The following VIRMA variants were observed in gnomAD, a reference collection of about 807,000 sequenced individuals.
VIRMA encodes protein virilizer homolog.
VIRMA carries 65 observed loss-of-function variants against 182.4 expected under a neutral mutation model. The ratio of observed to expected loss-of-function variants is 0.36; its 90% CI spans 0.29 to 0.44. The LOEUF (loss-of-function observed/expected upper bound fraction) is 0.44, where lower values mean the gene tolerates loss of function less well. Among genes scored for constraint, VIRMA ranks in the 20% least tolerant of loss-of-function variants. VIRMA has a pLI of 1.00. For synonymous variants in VIRMA, 709 were observed against 743.1 expected (o/e 0.95, Z 0.75); for missense variants, 1,752 against 2,158.1 (o/e 0.81, Z 3.73).
chr8:94,513,500 A>G (rs930034252), intron 11 of VIRMA, among the ~76,000 whole-genome samples: 3 of 151,358 alleles, frequency 2.0e-5, no homozygotes, highest in South Asian at 2.1e-4. Flanking sequence ...TTGTAATTCC[A>G]CAAATTACAT....
At chr8:94,494,415 C>A (rs1813700541) in intron 20 of VIRMA, among the ~76,000 whole-genome samples, 1 of 151,602 alleles carries the variant, frequency 6.6e-6, no homozygotes. Context: ...CATGGTAAAA[C>A]CCAGTCTCTA....
chr8:94,550,101 A>C (rs550566603), intron 1 of VIRMA, among the ~76,000 whole-genome samples: 13 of 152,098 alleles, frequency 8.5e-5, no homozygotes, highest in South Asian at 4.2e-4. Flanking sequence ...AGTCTTAAAA[A>C]AAAAAAAAAA....
In VIRMA at chr8:94,492,644, A is replaced by T. The variant is rs1478276578; in HGVS notation, c.4808+8T>A. The T allele has an allele frequency of 6.2e-7, 1 of 1,608,932 alleles. No individual in the cohort carries two copies. The highest frequency in any genetic ancestry group is 1.7e-5 in the Admixed American group (1 of 59,572). The stretch of plus-strand genomic sequence containing the variant: ...GACATTTGAGATCTTCAGTGGAATA[A>T]ATTTTACCTTGACGTTATAAAGGTC... On this transcript the variant is annotated splice_region_variant and intron_variant, in intron 21 of 23. Coordinates refer to ENST00000297591, the MANE Select transcript of VIRMA (RefSeq NM_015496.5).
chr8:94,510,856 C>A, intron 13 of VIRMA: 1 of 807,408 alleles, frequency 1.2e-6, no homozygotes, highest in Non-Finnish European at 1.9e-6. Flanking sequence ...GTTAGTTGAG[C>A]AGAGTCCATT....
intron 23 of VIRMA, 65 bp downstream of exon 23, chr8:94,489,874 C>A: frequency 1.3e-6 from 2 of 1,550,342 alleles, no homozygotes; most frequent in South Asian, 1.2e-5. Context: ...TATATGATAT[C>A]AACAATTTTA....
chr8:94,500,924 T>A (rs1479182072), intron 16 of VIRMA, among the ~76,000 whole-genome samples: 5 of 151,902 alleles, frequency 3.3e-5, no homozygotes, highest in Non-Finnish European at 5.9e-5. Flanking sequence ...CCATAAAACA[T>A]AAATTTGACT....
intron 9 of VIRMA, among the ~76,000 whole-genome samples, chr8:94,518,417 T>C (rs1460356331): frequency 6.6e-6 from 1 of 152,190 alleles, no homozygotes; most frequent in Non-Finnish European, 1.5e-5. Context: ...AAAAGATCTG[T>C]CACTCAAGGA....
chr8:94,535,072 G>A, intron 4 of VIRMA, 65 bp from the exon 5 acceptor site: 1 of 1,518,008 alleles, frequency 6.6e-7, no homozygotes, highest in Non-Finnish European at 8.8e-7. Context: ...GAAGTTAGCT[G>A]ATACCAAATT....
At chr8:94,533,320 G>C (rs1312953878) in intron 5 of VIRMA, among the ~76,000 whole-genome samples, 1 of 152,170 alleles carries the variant, frequency 6.6e-6, no homozygotes, top group Non-Finnish European at 1.5e-5. Flanking sequence ...TCAGGATTCA[G>C]AGAAACAAAG....
In VIRMA at chr8:94,496,436, A is replaced by G. The variant is rs768095186; in HGVS notation, c.4275T>C (p.Ala1425=). ...TAATACTCATCGTCCGTGATGTATG[A>G]GCTCCCTCTACTTCCATGAGACCAT... ...DDNGLMEVEG[A]HTSRTMSINA... is the part of the protein sequence containing the mutation. Residue 1425 remains alanine (A), a synonymous_variant, in exon 18 of 24, where the codon GCT becomes GCC. Transcript: ENST00000297591. 1 of 1,613,202 alleles carries G rather than the reference A, an allele frequency of 6.2e-7. No homozygotes were observed. The highest frequency in any genetic ancestry group is 1.1e-5 in the South Asian group (1 of 90,962).
intron 2 of VIRMA, among the ~76,000 whole-genome samples, chr8:94,543,312 ACTC>A: frequency 6.7e-6 from 1 of 148,542 alleles, no homozygotes; most frequent in Non-Finnish European, 1.5e-5. Context: ...GAGGCAGGAG[ACTC>A]ACTTGGACCC....
chr8:94,531,925 A>G (rs185301514), intron 5 of VIRMA, among the ~76,000 whole-genome samples: 16 of 152,350 alleles, frequency 1.1e-4, no homozygotes, highest in East Asian at 9.6e-4. Context: ...AAAAAAGTCA[A>G]TCTCACAAAG....
chr8:94,549,897 A>C (rs1815912262), intron 1 of VIRMA, among the ~76,000 whole-genome samples: 1 of 152,106 alleles, frequency 6.6e-6, no homozygotes, highest in Non-Finnish European at 1.5e-5. Context: ...GGAATTCAAG[A>C]CCAGCCTGGG....
chr8:94,488,690 G>A lies in VIRMA; in HGVS notation c.*16C>T. ...TGAAATGTTCATATACAGTTAAGATGTTCCCAAAAGGATTTTTATCGTGTA... is the reference window on the plus strand; with the variant it reads ...TGAAATGTTCATATACAGTTAAGATATTCCCAAAAGGATTTTTATCGTGTA... On this transcript the variant is annotated 3_prime_UTR_variant, in exon 24 of 24. Transcript: ENST00000297591. 1.2e-6 allele frequency: 2 copies of A among 1,613,304 alleles called. No individual in the cohort carries two copies. The highest frequency in any genetic ancestry group is 1.7e-6 in the Non-Finnish European group (2 of 1,179,398).
chr8:94,551,197 C>G (rs1815974577), intron 1 of VIRMA, among the ~76,000 whole-genome samples: 1 of 152,150 alleles, frequency 6.6e-6, no homozygotes, highest in Non-Finnish European at 1.5e-5. Flanking sequence ...CACCAAAGAC[C>G]AAGTTCATAA....
intron 4 of VIRMA, among the ~76,000 whole-genome samples, chr8:94,536,245 G>A (rs765430311): frequency 3.9e-5 from 6 of 152,202 alleles, no homozygotes; most frequent in Non-Finnish European, 7.3e-5. Context: ...AATCCCACTG[G>A]AAGGAAGATA....
chr8:94,543,852 TG>T lies in VIRMA; in HGVS notation c.153del (p.Ser51ArgfsTer19). The T allele has an allele frequency of 6.2e-7, 1 of 1,607,964 alleles. No individual in the cohort carries two copies. Among genetic ancestry groups the T allele is most frequent in the Non-Finnish European group, 8.5e-7 (1 of 1,175,576 alleles). ...CCATATGCTCTATTGTCTGGCAGAC[TG>T]CTATGGGCTCTTACTCCTGGGGGTA... Reference protein sequence around the residue: ...RVIPPGVRAHSSLPDNRAYGE... With the variant: ...RVIPPGVRAHXSLPDNRAYGE... On this transcript the variant is annotated frameshift_variant, in exon 2 of 24. Coordinates refer to ENST00000297591, the MANE Select transcript of VIRMA (RefSeq NM_015496.5). LOFTEE classifies it high-confidence loss of function.
At chr8:94,552,880 A>T (rs1816048817) in intron 1 of VIRMA, among the ~76,000 whole-genome samples, 1 of 152,170 alleles carries the variant, frequency 6.6e-6, no homozygotes, top group Admixed American at 6.5e-5. Context: ...TTTCAGGCCA[A>T]ATCGGAGAGC....
chr8:94,491,243 G>A (rs1813598179), intron 22 of VIRMA, among the ~76,000 whole-genome samples: 1 of 151,780 alleles, frequency 6.6e-6, no homozygotes, highest in Non-Finnish European at 1.5e-5. Context: ...GAACCAGGGA[G>A]GCAGAGTTTG....
Sources: allele counts gnomAD v4.1 joint callset (sites outside exome capture counted in the v4.1 genomes callset), GRCh38; gene constraint gnomAD v4.1.1; transcripts MANE v1.5; gene names NCBI Gene and HGNC (gene_info 2026-07-23, HGNC 2026-07-21).